ATAD3A: variants seen among roughly 807,000 people sequenced by gnomAD.
The protein encoded by ATAD3A is ATPase family AAA domain-containing protein 3A.
Under a neutral mutation model 73.8 loss-of-function variants are expected in ATAD3A, and 46 were observed. That is an observed-to-expected ratio of 0.62 (90% CI 0.49 to 0.80). The LOEUF (loss-of-function observed/expected upper bound fraction) is 0.80. ATAD3A is among the 30% of genes least tolerant of loss of function. The probability of loss-of-function intolerance (pLI) is 0.00; values close to 1 mark genes in which losing one functional copy is unlikely to be tolerated. For missense variants in ATAD3A, 705 were observed against 838.0 expected (o/e 0.84, Z 1.96); for synonymous variants, 319 against 350.0 (o/e 0.91, Z 0.99).
Position 1,516,071 on chromosome 1 carries a change from C to T in ATAD3A, c.265C>T (p.Gln89Ter). 6.2e-7 allele frequency: 1 copy of T among 1,613,672 alleles called. No individual in the cohort carries two copies. The highest frequency in any genetic ancestry group is 8.5e-7 in the Non-Finnish European group (1 of 1,179,902). Reference protein sequence around the residue: ...QMQEQTLQLEQQSKLKEYEAA... With the variant: ...QMQEQTLQLE Reference sequence around the variant, plus strand: ...GCAGGAGCAGACGCTGCAGTTGGAGCAACAGTCCAAGCTCAAAGTGAGTGG... The same window carrying T: ...GCAGGAGCAGACGCTGCAGTTGGAGTAACAGTCCAAGCTCAAAGTGAGTGG... Residue 89 changes from glutamine to a stop codon, truncating the protein, a stop_gained, in exon 2 of 16, where the codon CAA (glutamine) becomes TAA (stop). Transcript: ENST00000378756. LOFTEE classifies it high-confidence loss of function.
At position 1,533,970 on chromosome 1, in the gene ATAD3A, G is replaced by T. The variant is rs1336542183; in HGVS notation, c.1659G>T (p.Met553Ile). ...AGGACGGGGTCCTGACCGAGGCCAT[G>T]ATGGACACCCGCGTGCAAGATGCTG... ...ASEDGVLTEA[M>I]MDTRVQDAVQ... Residue 553 changes from methionine (M) to isoleucine (I), a missense_variant, in exon 16 of 16, where the codon ATG becomes ATT. By Grantham distance (10) the Met-to-Ile change is conservative (BLOSUM62 1). Transcript: ENST00000378756. The T allele has an allele frequency of 1.2e-6, 2 of 1,613,510 alleles. No individual in the cohort carries two copies. Among genetic ancestry groups the T allele is most frequent in the Non-Finnish European group, 8.5e-7 (1 of 1,179,944 alleles).
At chr1:1,532,847 A>G (rs1306258952) in intron 15 of ATAD3A, among the ~76,000 whole-genome samples, 2 of 151,460 alleles carry the variant, frequency 1.3e-5, no homozygotes, top group African/African-American at 4.9e-5. Flanking sequence ...CCTGACCCAC[A>G]GTGGCGGTGC....
At chr1:1,518,793 G>A (rs564995910) in intron 4 of ATAD3A, 128 bp from the exon 5 acceptor site, 119 of 1,560,254 alleles carry the variant, frequency 7.6e-5, no homozygotes, top group African/African-American at 4.4e-4. Context: ...CCCCGCAAAC[G>A]GGCACCGTCA....
At chr1:1,525,747 G>A (rs570093709) in intron 12 of ATAD3A, among the ~76,000 whole-genome samples, 4 of 150,858 alleles carry the variant, frequency 2.7e-5, no homozygotes, top group African/African-American at 4.9e-5. Context: ...GGTCTCTGTC[G>A]CCCAGGCTGG....
At chr1:1,524,028 C>T in intron 10 of ATAD3A, 64 bp downstream of exon 10, 2 of 1,610,054 alleles carry the variant, frequency 1.2e-6, no homozygotes, top group Non-Finnish European at 1.7e-6. Context: ...CTGCAGGTGT[C>T]TGGGGGGCTC....
chr1:1,524,983 G>A (rs12403864), intron 11 of ATAD3A, among the ~76,000 whole-genome samples: 1,836 of 152,310 alleles, frequency 0.012, 24 homozygotes, highest in South Asian at 0.027. Flanking sequence ...GCCGGGTGGG[G>A]GTGAAGCCTG....
rs560751202 is a variant in ATAD3A, at chr1:1,522,796, C to G, written c.803C>G (p.Thr268Arg). The part of the protein sequence containing the change: ...AVGVYSAKNA[T>R]LVAGRFIEAR... ...GGGGTCTACTCAGCCAAGAATGCCA[C>G]GCTTGTCGCCGGCCGCTTCATCGAG... is the stretch of plus-strand genomic sequence containing the variant. Residue 268 changes from threonine (T) to arginine (R), a missense_variant, in exon 8 of 16, where the codon ACG (threonine) becomes AGG (arginine). Thr to Arg is a moderately conservative substitution (Grantham distance 71, BLOSUM62 -1). Coordinates refer to ENST00000378756, the MANE Select transcript of ATAD3A (RefSeq NM_001170535.3). 6.2e-7 allele frequency: 1 copy of G among 1,611,182 alleles called. No homozygotes were observed. Among genetic ancestry groups the G allele is most frequent in the Non-Finnish European group, 8.5e-7 (1 of 1,179,776 alleles).
In ATAD3A at chr1:1,521,298, C is replaced by CAAA. The variant is rs1001385922; in HGVS notation, c.750+710_750+712dup. 7.8e-3 allele frequency among the ~76,000 whole-genome samples: 196 copies of CAAA among 25,288 alleles called. 13 individuals carry two copies. The highest frequency in any genetic ancestry group is 0.054 in the East Asian group (27 of 502). The allele number at this position is 25,288 out of a possible 152,430, so 16.6% of individuals were successfully genotyped here. ...TGGGCCACATAGTGAGGCTTCTTCT[C>CAAA]AAAAAAAAAAAAAAAAAAAAAAAAA... On this transcript the variant is annotated intron_variant, in intron 7 of 15. Coordinates refer to ENST00000378756, the MANE Select transcript of ATAD3A (RefSeq NM_001170535.3).
Position 1,522,842 on chromosome 1 carries a change from C to T in ATAD3A, c.849C>T (p.Ser283=). 1 of 1,610,496 alleles carries T rather than the reference C, an allele frequency of 6.2e-7. No homozygotes were observed. Among genetic ancestry groups the T allele is most frequent in the Middle Eastern group, 2.0e-4 (1 of 4,902 alleles). Residue 283 remains serine (S), a synonymous_variant, in exon 8 of 16, where the codon TCC becomes TCT. Coordinates refer to ENST00000378756, the MANE Select transcript of ATAD3A (RefSeq NM_001170535.3). Reference sequence around the variant, plus strand: ...TCGAGGCTCGGCTGGGGAAGCCGTCCCTAGTGAGGGAGACGTCCCGCATCA... The same window carrying T: ...TCGAGGCTCGGCTGGGGAAGCCGTCTCTAGTGAGGGAGACGTCCCGCATCA... ...RFIEARLGKP[S]LVRETSRITV... is the part of the protein sequence containing the mutation.
rs1641667308 is a variant in ATAD3A, at chr1:1,523,214, GTCTGGTGGCC to G, written c.907-294_907-285del. Reference sequence around the variant, plus strand: ...CAGGGAAGCTGCTACAGGCCACGGCGTCTGGTGGCCTCCCTGGGGAGCCGCGCCGCTCGCC... The same window carrying G: ...CAGGGAAGCTGCTACAGGCCACGGCGTCCCTGGGGAGCCGCGCCGCTCGCC... On this transcript the variant is annotated intron_variant, in intron 8 of 15. Transcript: ENST00000378756. The surrounding 1 kb of genome is among the most constrained non-coding windows in gnomAD (Gnocchi z 5.1). Among the ~76,000 whole-genome samples the G allele has an allele frequency of 6.6e-6, 1 of 152,078 alleles. No homozygotes were observed. The highest frequency in any genetic ancestry group is 6.5e-5 in the Admixed American group (1 of 15,268).
chr1:1,527,428 G>A (rs779263171), intron 13 of ATAD3A, among the ~76,000 whole-genome samples: 3 of 152,250 alleles, frequency 2.0e-5, no homozygotes, highest in Non-Finnish European at 4.4e-5. Context: ...GGGTCAGGCA[G>A]CAGGAGAGAG....
Position 1,522,811 on chromosome 1 carries a change from G to T in ATAD3A, c.818G>T (p.Arg273Leu). ...AAGAATGCCACGCTTGTCGCCGGCC[G>T]CTTCATCGAGGCTCGGCTGGGGAAG... ...SAKNATLVAG[R>L]FIEARLGKPS... The change falls in exon 8 of 16, where the codon CGC (arginine) becomes CTC (leucine). Residue 273 changes from arginine (R) to leucine (L), a missense_variant. Arg to Leu is a moderately radical substitution (Grantham distance 102). Transcript: ENST00000378756. 6.2e-7 allele frequency: 1 copy of T among 1,611,188 alleles called. No individual in the cohort carries two copies. Among genetic ancestry groups the T allele is most frequent in the Non-Finnish European group, 8.5e-7 (1 of 1,179,760 alleles).
At position 1,525,361 on chromosome 1, in the gene ATAD3A, T is replaced by C. The variant is rs539989658; in HGVS notation, c.1266+70T>C. On this transcript the variant is annotated intron_variant, in intron 12 of 15. Coordinates refer to ENST00000378756, the MANE Select transcript of ATAD3A (RefSeq NM_001170535.3). ...GCACAGCCGTCTGCCTGGGCCAGGC[T>C]GCAGCCCTCTGTTCAGTTTCTTTTT... is the stretch of plus-strand genomic sequence containing the variant. 1.1e-4 allele frequency: 167 copies of C among 1,576,636 alleles called. 1 individual carries two copies. The highest frequency in any genetic ancestry group is 3.4e-4 in the Middle Eastern group (2 of 5,956).
intron 12 of ATAD3A, among the ~76,000 whole-genome samples, chr1:1,525,638 TCTC>T (rs1641790192): frequency 1.3e-5 from 2 of 152,026 alleles, no homozygotes; most frequent in Non-Finnish European, 1.5e-5. Context: ...ATGGTCTCGA[TCTC>T]CTGACCTCGT....
intron 1 of ATAD3A, among the ~76,000 whole-genome samples, chr1:1,514,903 G>C (rs189700543): frequency 1.3e-5 from 2 of 152,250 alleles, no homozygotes; most frequent in Admixed American, 6.5e-5. Flanking sequence ...AGATGGAGTT[G>C]CCGTCCGTCG....
At chr1:1,518,338 C>T (rs557308476) in intron 4 of ATAD3A, among the ~76,000 whole-genome samples, 2 of 130,602 alleles carry the variant, frequency 1.5e-5, no homozygotes, top group African/African-American at 2.8e-5. Context: ...CTCACTGGCA[C>T]CCGCGCACTC....
intron 13 of ATAD3A, chr1:1,527,046 C>T (rs41285830): frequency 0.012 from 7,159 of 617,564 alleles, 54 homozygotes; most frequent in Non-Finnish European, 0.014. Context: ...TTTGTGTGGC[C>T]TCTGTGGGCT....
At chr1:1,522,070 G>A (rs1365952197) in intron 7 of ATAD3A, among the ~76,000 whole-genome samples, 3 of 151,896 alleles carry the variant, frequency 2.0e-5, no homozygotes, top group Non-Finnish European at 4.4e-5. Flanking sequence ...ACAGAGTTTT[G>A]CTCTTGTTGC....
In ATAD3A at chr1:1,518,828, C is replaced by A. The variant is rs1261540999; in HGVS notation, c.445-93C>A. The A allele has an allele frequency of 6.9e-6, 11 of 1,604,246 alleles. No individual in the cohort carries two copies. The African/African-American group carries it at 1.4e-4, about 20-fold the overall frequency. On this transcript the variant is annotated intron_variant, in intron 4 of 15. Coordinates refer to ENST00000378756, the MANE Select transcript of ATAD3A (RefSeq NM_001170535.3). ...ACACCCCGCAAACGGGCACACTCACCCCCCTGCACACTCGGGCACAGTCAT... is the reference window on the plus strand; with the variant it reads ...ACACCCCGCAAACGGGCACACTCACACCCCTGCACACTCGGGCACAGTCAT...
Sources: allele counts gnomAD v4.1 joint callset (sites outside exome capture counted in the v4.1 genomes callset), GRCh38; gene constraint gnomAD v4.1.1; non-coding constraint Gnocchi (gnomAD v3.1); transcripts MANE v1.5; gene names NCBI Gene and HGNC (gene_info 2026-07-23, HGNC 2026-07-21).